Variants in NAALADL2 observed in about 807,000 individuals in gnomAD.
NAALADL2 encodes N-acetylated alpha-linked acidic dipeptidase like 2.
NAALADL2 carries 76 observed loss-of-function variants against 87.2 expected under a neutral mutation model. The ratio of observed to expected loss-of-function variants is 0.87; its 90% CI spans 0.72 to 1.05. NAALADL2 has a LOEUF of 1.05. Among genes scored for constraint, NAALADL2 ranks in the 50% least tolerant of loss-of-function variants. The probability of loss-of-function intolerance (pLI) is 0.00; values close to 1 mark genes in which losing one functional copy is unlikely to be tolerated. For missense variants in NAALADL2, 1,089 were observed against 945.8 expected, an observed-to-expected ratio of 1.15 and a Z score of -1.99; for synonymous variants, 354 against 331.0, an observed-to-expected ratio of 1.07 and a Z score of -0.75.
In NAALADL2 at chr3:174,930,857, T is replaced by C. The variant is rs1405970199; in HGVS notation, c.43+71407T>C. Among the ~76,000 whole-genome samples, 3 of 151,874 alleles carry C rather than the reference T, an allele frequency of 2.0e-5. No individual in the cohort carries two copies. In the South Asian group the frequency reaches 6.3e-4, roughly 32 times the overall value. On this transcript the variant is annotated intron_variant, in intron 1 of 13. Transcript: ENST00000454872. ...CGGGATGGTCTCCTTCTTCTGACCTTGTGATCCGCCCACCTCGGCCTCCCA... is the reference window on the plus strand; with the variant it reads ...CGGGATGGTCTCCTTCTTCTGACCTCGTGATCCGCCCACCTCGGCCTCCCA...
chr3:174,597,314 A>T (rs1001352003), intron 2 of NAALADL2, among the ~76,000 whole-genome samples: 2 of 152,214 alleles, frequency 1.3e-5, no homozygotes, highest in African/African-American at 4.8e-5. Flanking sequence ...ATGATCACAT[A>T]GGTACCCATT....
intron 11 of NAALADL2, among the ~76,000 whole-genome samples, chr3:175,632,539 C>A (rs572928753): frequency 6.6e-6 from 1 of 151,838 alleles, no homozygotes; most frequent in South Asian, 2.1e-4. Flanking sequence ...AATAATTATA[C>A]GTATTTTGGA....
chr3:174,547,682 T>C lies in NAALADL2; in HGVS notation c.-183-2887T>C, dbSNP rs375654566. Among the ~76,000 whole-genome samples, 21 of 152,286 alleles carry C rather than the reference T, an allele frequency of 1.4e-4. No homozygotes were observed. In the South Asian group the frequency reaches 4.1e-3, roughly 30 times the overall value. ...CAAATCCTACATTCTTCCTAAGATATCATTTTTCTATATATATTTTTATCT... is the reference window on the plus strand; with the variant it reads ...CAAATCCTACATTCTTCCTAAGATACCATTTTTCTATATATATTTTTATCT... On this transcript the variant is annotated intron_variant, in intron 1 of 3. Coordinates refer to the NAALADL2 transcript ENST00000434257.
intron 3 of NAALADL2, among the ~76,000 whole-genome samples, chr3:174,831,149 A>T (rs1436358699): frequency 6.6e-6 from 1 of 152,012 alleles, no homozygotes; most frequent in East Asian, 1.9e-4. Context: ...ACTATGTTGA[A>T]TAGGAGTGGT....
rs116827935 is a variant in NAALADL2, at chr3:174,601,004, C to T, written c.-115+50367C>T. Among the ~76,000 whole-genome samples, 1,456 of 152,210 alleles carry T rather than the reference C, an allele frequency of 9.6e-3. 24 individuals carry two copies. The highest frequency in any genetic ancestry group is 0.033 in the African/African-American group (1,364 of 41,532). ...CATATTTTGATACAGGCATGCAATG[C>T]ATAATAATCACATCAGGGTAATTAT... On this transcript the variant is annotated intron_variant, in intron 2 of 3. Transcript: ENST00000434257.
chr3:174,918,940 AT>A (rs899746090), intron 1 of NAALADL2, among the ~76,000 whole-genome samples: 1 of 152,012 alleles, frequency 6.6e-6, no homozygotes, highest in African/African-American at 2.4e-5. Flanking sequence ...AATAAAGCAA[AT>A]ATTACAATAA....
At chr3:174,463,599 CTTTTT>C (rs57673935) in intron 1 of NAALADL2, among the ~76,000 whole-genome samples, 1 of 121,496 alleles carries the variant, frequency 8.2e-6, no homozygotes, top group Admixed American at 8.7e-5. Flanking sequence ...TAAAGATTAT[CTTTTT>C]TTTTTTTTTT....
chr3:175,216,668 CTTTT>C (rs3067029), intron 2 of NAALADL2, among the ~76,000 whole-genome samples: 20 of 87,344 alleles, frequency 2.3e-4, no homozygotes, highest in Admixed American at 6.3e-4. Flanking sequence ...TTTTTCTTTT[CTTTT>C]TTTTTTTTTT....
intron 1 of NAALADL2, among the ~76,000 whole-genome samples, chr3:175,078,679 T>C (rs1717123088): frequency 6.6e-6 from 1 of 152,202 alleles, no homozygotes; most frequent in Non-Finnish European, 1.5e-5. Context: ...TAAATAAAAG[T>C]ATCCAATACG....
At chr3:174,860,471 A>G (rs1370003723) in intron 1 of NAALADL2, among the ~76,000 whole-genome samples, 1 of 152,102 alleles carries the variant, frequency 6.6e-6, no homozygotes, top group African/African-American at 2.4e-5. Context: ...CATAATGAGA[A>G]TCATTTATTT....
At chr3:175,652,238 A>G (rs188542299) in intron 11 of NAALADL2, among the ~76,000 whole-genome samples, 2 of 152,174 alleles carry the variant, frequency 1.3e-5, no homozygotes, top group Admixed American at 1.3e-4. Context: ...TCAGACATCA[A>G]CATGGACTTT....
chr3:174,628,545 C>G (rs975151319), intron 2 of NAALADL2, among the ~76,000 whole-genome samples: 42 of 151,274 alleles, frequency 2.8e-4, no homozygotes, highest in African/African-American at 1.0e-3. Context: ...AAATTATGAC[C>G]CAAACAGATT....
intron 13 of NAALADL2, among the ~76,000 whole-genome samples, chr3:175,785,201 C>G (rs1201624264): frequency 6.7e-6 from 1 of 149,674 alleles, no homozygotes; most frequent in Non-Finnish European, 1.5e-5. Flanking sequence ...GTGGAGAGTT[C>G]TGTAGATGTC....
chr3:174,659,856 G>T (rs1278586148), intron 2 of NAALADL2, among the ~76,000 whole-genome samples: 2 of 152,044 alleles, frequency 1.3e-5, no homozygotes, highest in Non-Finnish European at 2.9e-5. Flanking sequence ...AGACCCAGAA[G>T]CTTCCCACTG....
At chr3:174,759,033 A>C (rs570512837) in intron 3 of NAALADL2, among the ~76,000 whole-genome samples, 1 of 152,330 alleles carries the variant, frequency 6.6e-6, no homozygotes, top group East Asian at 1.9e-4. Flanking sequence ...AGATTGAAGT[A>C]GTTTCATCTA....
At chr3:175,447,424 G>T in intron 6 of NAALADL2, 52 bp downstream of exon 6, 1 of 1,286,280 alleles carries the variant, frequency 7.8e-7, no homozygotes. Context: ...TAAAGACCAT[G>T]ATCATTTTTA....
intron 1 of NAALADL2, among the ~76,000 whole-genome samples, chr3:175,054,830 A>C (rs920134612): frequency 6.6e-6 from 1 of 152,168 alleles, no homozygotes; most frequent in Non-Finnish European, 1.5e-5. Context: ...AGGGCTGTAT[A>C]ACTGCTCTGG....
At chr3:174,692,378 A>G (rs1460097683) in intron 2 of NAALADL2, among the ~76,000 whole-genome samples, 2 of 152,216 alleles carry the variant, frequency 1.3e-5, no homozygotes, top group Admixed American at 1.3e-4. Flanking sequence ...AGAACAAGTT[A>G]TGGCTCAAGT....
intron 2 of NAALADL2, among the ~76,000 whole-genome samples, chr3:174,568,989 C>T (rs1714612977): frequency 6.6e-6 from 1 of 151,462 alleles, no homozygotes; most frequent in Admixed American, 6.6e-5. Flanking sequence ...GCTAAGTTGT[C>T]CAATGCATGC....
Sources: gnomAD v4.1 joint callset for allele counts (sites outside exome capture counted in the v4.1 genomes callset) on GRCh38, gnomAD v4.1.1 for gene constraint, MANE v1.5 for transcripts, NCBI Gene and HGNC (gene_info 2026-07-23, HGNC 2026-07-21) for gene names.